Variants in MTIF2 observed in about 807,000 individuals in gnomAD.
The protein encoded by MTIF2 is translation initiation factor IF-2, mitochondrial.
MTIF2 carries 71 observed loss-of-function variants against 83.5 expected under a neutral mutation model. The ratio of observed to expected loss-of-function variants is 0.85; its 90% CI spans 0.70 to 1.04. The LOEUF (loss-of-function observed/expected upper bound fraction) is 1.04. Ranked by LOEUF, MTIF2 falls within the 50% of genes least tolerant of loss-of-function variation. The pLI is 0.00. For missense variants in MTIF2, 957 were observed against 846.5 expected, an observed-to-expected ratio of 1.13 and a Z score of -1.62; for synonymous variants, 319 against 287.1, an observed-to-expected ratio of 1.11 and a Z score of -1.12.
chr2:55,243,691 ATTT>A, intron 11 of MTIF2, 23 bp from the exon 12 acceptor site: 1 of 1,603,982 alleles, frequency 6.2e-7, no homozygotes, highest in Non-Finnish European at 8.5e-7. Flanking sequence ...AAAACGTATT[ATTT>A]AATGAAATAG....
chr2:55,254,722 T>C lies in MTIF2; in HGVS notation c.435A>G (p.Ala145=). The C allele has an allele frequency of 6.2e-7, 1 of 1,611,004 alleles. No homozygotes were observed. The highest frequency in any genetic ancestry group is 1.1e-5 in the South Asian group (1 of 90,544). Residue 145 remains alanine (A), a synonymous_variant, in exon 6 of 16, where the codon GCA becomes GCG. Transcript: ENST00000263629. ...EVWIKEVITK[A]GMKLKWSKLK... ...ATTTACTCCACTTTAACTTCATCCC[T>C]GCCTTCGTTATCACTTCTTTGATCC... is the stretch of plus-strand genomic sequence containing the variant.
At chr2:55,250,759 G>T (rs1018068125) in intron 8 of MTIF2, among the ~76,000 whole-genome samples, 1 of 152,016 alleles carries the variant, frequency 6.6e-6, no homozygotes, top group Admixed American at 6.6e-5. Flanking sequence ...ATTTTCTCAG[G>T]TATCAAACAG....
intron 8 of MTIF2, among the ~76,000 whole-genome samples, chr2:55,251,450 G>A (rs1677087662): frequency 6.6e-6 from 1 of 152,170 alleles, no homozygotes; most frequent in Non-Finnish European, 1.5e-5. Context: ...TCTGGCTGCT[G>A]TCTGAGTCTT....
intron 15 of MTIF2, 82 bp downstream of exon 15, chr2:55,237,206 A>G: frequency 2.1e-6 from 3 of 1,428,994 alleles, no homozygotes; most frequent in Non-Finnish European, 2.8e-6. Context: ...GGCATGAAAG[A>G]TGAACAGATT....
At chr2:55,252,739 C>T in intron 7 of MTIF2, 86 bp from the exon 8 acceptor site, 2 of 876,632 alleles carry the variant, frequency 2.3e-6, no homozygotes, top group Non-Finnish European at 3.4e-6. Flanking sequence ...TATCAGAAAC[C>T]ATCAATAATT....
At chr2:55,253,907 C>T in intron 7 of MTIF2, 134 bp downstream of exon 7, 1 of 921,004 alleles carries the variant, frequency 1.1e-6, no homozygotes, top group Non-Finnish European at 1.6e-6. Context: ...ACTTGCTCTA[C>T]ATTTCATCAA....
At chr2:55,237,471 T>G (rs1050418295) in intron 14 of MTIF2, 43 bp from the exon 15 acceptor site, 21 of 1,534,680 alleles carry the variant, frequency 1.4e-5, no homozygotes, top group African/African-American at 2.8e-5. Context: ...AACTAAAGAT[T>G]CTGATAAATA....
At chr2:55,244,365 A>T in intron 10 of MTIF2, 132 bp from the exon 11 acceptor site, 1 of 711,520 alleles carries the variant, frequency 1.4e-6, no homozygotes. Flanking sequence ...TAACTTAAGC[A>T]GTTTTTCATA....
At chr2:55,246,160 AC>A (rs1324103441) in intron 10 of MTIF2, among the ~76,000 whole-genome samples, 176 bp downstream of exon 10, 1 of 152,240 alleles carries the variant, frequency 6.6e-6, no homozygotes, top group African/African-American at 2.4e-5. Context: ...ACTGATAATA[AC>A]TGCATTTTTG....
At chr2:55,241,800 G>A (rs538242676) in intron 13 of MTIF2, among the ~76,000 whole-genome samples, 2 of 152,096 alleles carry the variant, frequency 1.3e-5, no homozygotes, top group Non-Finnish European at 2.9e-5. Flanking sequence ...CCAAGATTGC[G>A]CCATTGTACT....
At chr2:55,266,814 G>A (rs1215793321) in intron 3 of MTIF2, among the ~76,000 whole-genome samples, 1 of 146,370 alleles carries the variant, frequency 6.8e-6, no homozygotes, top group East Asian at 2.0e-4. Context: ...GTTGCCCAGG[G>A]TGGAGTTCAG....
In MTIF2 at chr2:55,243,441, T is replaced by G; in HGVS notation, c.1539A>C (p.Ser513=). 6.2e-7 allele frequency: 1 copy of G among 1,609,056 alleles called. No homozygotes were observed. Among genetic ancestry groups the G allele is most frequent in the South Asian group, 1.1e-5 (1 of 90,236 alleles). Residue 513 remains serine (S), a synonymous_variant, in exon 12 of 16, where the codon TCA becomes TCC. Transcript: ENST00000263629. ...LKPKEKRERD[S]NVLSVIIKGD... is the part of the protein sequence containing the mutation. ...CTTTAATAATCACAGAAAGTACATTTGAATCTCTTTCCCTTTTCTCTTTTG... is the reference window on the plus strand; with the variant it reads ...CTTTAATAATCACAGAAAGTACATTGGAATCTCTTTCCCTTTTCTCTTTTG...
At chr2:55,262,725 T>G (rs1022943454) in intron 4 of MTIF2, among the ~76,000 whole-genome samples, 6 of 69,298 alleles carry the variant, frequency 8.7e-5, no homozygotes, top group Non-Finnish European at 2.1e-4. Context: ...GTATTTTTTT[T>G]TTTTGTTTTT....
At chr2:55,237,643 TTTTTTC>T (rs1466473665) in intron 14 of MTIF2, among the ~76,000 whole-genome samples, 1 of 83,754 alleles carries the variant, frequency 1.2e-5, no homozygotes, top group Middle Eastern at 5.7e-3. Context: ...TTCCTTTTCT[TTTTTTC>T]TTTTTTTTTT....
At chr2:55,236,890 G>A in intron 15 of MTIF2, 70 bp from the exon 16 acceptor site, 1 of 1,177,714 alleles carries the variant, frequency 8.5e-7, no homozygotes. Context: ...TACATTATGT[G>A]GTGTTAACCA....
intron 5 of MTIF2, among the ~76,000 whole-genome samples, chr2:55,261,182 G>A (rs188139526): frequency 1.3e-5 from 2 of 152,122 alleles, no homozygotes; most frequent in Admixed American, 6.6e-5. Flanking sequence ...TAGAGATGGG[G>A]TTTCACCGTG....
At chr2:55,237,642 T>C (rs1675964392) in intron 14 of MTIF2, among the ~76,000 whole-genome samples, 1 of 80,880 alleles carries the variant, frequency 1.2e-5, no homozygotes, top group African/African-American at 4.7e-5. Flanking sequence ...TTTCCTTTTC[T>C]TTTTTTCTTT....
At chr2:55,263,242 C>G (rs1323833631) in intron 4 of MTIF2, among the ~76,000 whole-genome samples, 1 of 152,242 alleles carries the variant, frequency 6.6e-6, no homozygotes, top group African/African-American at 2.4e-5. Context: ...CCTTAATTCA[C>G]TGTTTTACAC....
At chr2:55,243,818 T>A (rs1027656623) in intron 11 of MTIF2, 150 bp from the exon 12 acceptor site, 2 of 1,036,642 alleles carry the variant, frequency 1.9e-6, no homozygotes, top group Admixed American at 3.0e-5. Context: ...AAAATTTTAA[T>A]TTGAGAGCTT....
Sources: allele counts gnomAD v4.1 joint callset (sites outside exome capture counted in the v4.1 genomes callset), GRCh38; gene constraint gnomAD v4.1.1; transcripts MANE v1.5; gene names NCBI Gene and HGNC (gene_info 2026-07-23, HGNC 2026-07-21).